Variants in GLIS1 observed in about 807,000 individuals in gnomAD.
GLIS1 encodes the protein zinc finger protein GLIS1.
Under a neutral mutation model 63.8 loss-of-function variants are expected in GLIS1, and 24 were observed. The observed-to-expected ratio is 0.38, with a 90% CI of 0.27 to 0.53. The LOEUF is 0.53. Ranked by LOEUF, GLIS1 falls within the 20% of genes least tolerant of loss-of-function variation. GLIS1 has a pLI of 0.85. For synonymous variants in GLIS1, 450 were observed against 482.5 expected, an observed-to-expected ratio of 0.93 and a Z score of 0.88; for missense variants, 1,036 against 1,074.1, an observed-to-expected ratio of 0.96 and a Z score of 0.50.
At chr1:53,663,905 C>T (rs948679138) in intron 2 of GLIS1, among the ~76,000 whole-genome samples, 1 of 152,062 alleles carries the variant, frequency 6.6e-6, no homozygotes, top group African/African-American at 2.4e-5. Flanking sequence ...TCTGATGTGG[C>T]TCCAGGCGCC....
chr1:53,610,643 C>T (rs1043078435), intron 2 of GLIS1, among the ~76,000 whole-genome samples: 68 of 152,118 alleles, frequency 4.5e-4, no homozygotes, highest in African/African-American at 1.6e-3. Context: ...TATGGTGTGC[C>T]TAGGTGTGCT....
intron 4 of GLIS1, among the ~76,000 whole-genome samples, chr1:53,557,977 G>A (rs1057261052): frequency 6.6e-6 from 1 of 152,194 alleles, no homozygotes; most frequent in African/African-American, 2.4e-5. Context: ...AACATCATTA[G>A]GGGAGCCCCA....
rs1434277538 is a variant in GLIS1 at position 53,645,970 on chromosome 1, A to AG, written c.260-45693dup. The stretch of plus-strand genomic sequence containing the variant: ...GTCCTGAGGAATGCAGCAGTGAACA[A>AG]GGGGGGCAGGGGCCATATTCATTCA... On this transcript the variant is annotated intron_variant, in intron 2 of 10. Coordinates refer to ENST00000628545, the MANE Select transcript of GLIS1 (RefSeq NM_001367484.1). Among the ~76,000 whole-genome samples, 43 of 152,310 alleles carry AG rather than the reference A, an allele frequency of 2.8e-4. No homozygotes were observed. In the East Asian group the frequency reaches 8.3e-3, roughly 29 times the overall value.
intron 7 of GLIS1, 120 bp downstream of exon 7, chr1:53,520,514 A>G (rs1644396385): frequency 8.7e-7 from 1 of 1,155,402 alleles, no homozygotes; most frequent in Non-Finnish European, 1.2e-6. Flanking sequence ...CAGATGAGTG[A>G]GTGCCTGCAA....
In GLIS1 at chr1:53,506,291, C is replaced by T. The variant is rs1644230296; in HGVS notation, c.*328G>A. 1 of 311,430 alleles carries T rather than the reference C, an allele frequency of 3.2e-6. No individual in the cohort carries two copies. The highest frequency in any genetic ancestry group is 5.9e-6 in the Non-Finnish European group (1 of 168,430). 19.3% of individuals were successfully genotyped at this position (311,430 alleles called of 1,614,324 possible). On this transcript the variant is annotated 3_prime_UTR_variant, in exon 11 of 11. Transcript: ENST00000628545. ...TGTAAAACCAAAAATATAAAACTGG[C>T]AGGGGAACGGAAAACAAGTTCTGCA...
At chr1:53,700,535 T>G (rs1256727146) in intron 2 of GLIS1, among the ~76,000 whole-genome samples, 2 of 152,138 alleles carry the variant, frequency 1.3e-5, no homozygotes, top group African/African-American at 4.8e-5. Context: ...TGTAAATGCA[T>G]GGAGCATGCG....
chr1:53,519,771 G>A (rs1175312504), intron 7 of GLIS1, among the ~76,000 whole-genome samples: 1 of 152,236 alleles, frequency 6.6e-6, no homozygotes, highest in Non-Finnish European at 1.5e-5. Flanking sequence ...CTGGGCCACA[G>A]AGTTTAGCGA....
chr1:53,604,951 TATATACACAC>T (rs1645355514), intron 2 of GLIS1, among the ~76,000 whole-genome samples: 1 of 53,856 alleles, frequency 1.9e-5, no homozygotes, highest in East Asian at 3.5e-4. Context: ...TACATATATA[TATATACACAC>T]ACACACACAC....
chr1:53,543,081 C>T lies in GLIS1; in HGVS notation c.1321-13129G>A, dbSNP rs185852389. ...AAGATGGGCAGTGATCTGTGAACTG[C>T]CAGAGATTTGCTACCCAGCATGTGG... On this transcript the variant is annotated intron_variant, in intron 4 of 10. Coordinates refer to ENST00000628545, the MANE Select transcript of GLIS1 (RefSeq NM_001367484.1). Among the ~76,000 whole-genome samples, 67 of 152,316 alleles carry T rather than the reference C, an allele frequency of 4.4e-4. No individual in the cohort carries two copies. In the East Asian group the frequency reaches 0.013, roughly 29 times the overall value.
chr1:53,580,883 T>C (rs941129), intron 4 of GLIS1, among the ~76,000 whole-genome samples: 23,449 of 152,196 alleles, frequency 0.15, 2,268 homozygotes, highest in Non-Finnish European at 0.22. Context: ...GCCCCACCTC[T>C]GTGCCCATGG....
chr1:53,553,148 T>A (rs181922071), intron 4 of GLIS1, among the ~76,000 whole-genome samples: 2 of 152,094 alleles, frequency 1.3e-5, no homozygotes. Flanking sequence ...CCCATCCCCA[T>A]CAGCCTTGGC....
intron 2 of GLIS1, among the ~76,000 whole-genome samples, chr1:53,643,915 G>A (rs984555206): frequency 1.3e-5 from 2 of 152,302 alleles, no homozygotes; most frequent in Non-Finnish European, 2.9e-5. Context: ...GATGAGGCTC[G>A]GAGCCAGGGG....
At chr1:53,697,640 T>C (rs1646479529) in intron 2 of GLIS1, among the ~76,000 whole-genome samples, 1 of 152,204 alleles carries the variant, frequency 6.6e-6, no homozygotes, top group African/African-American at 2.4e-5. Flanking sequence ...ACAGCTCTTC[T>C]GGAAGGACCT....
At chr1:53,508,207 G>A (rs1009540350) in intron 10 of GLIS1, among the ~76,000 whole-genome samples, 6 of 152,208 alleles carry the variant, frequency 3.9e-5, no homozygotes, top group East Asian at 1.9e-4. Context: ...TGACACTCAC[G>A]GGGCGCATGC....
chr1:53,595,096 C>T, intron 3 of GLIS1, 106 bp from the exon 4 acceptor site: 2 of 1,034,204 alleles, frequency 1.9e-6, no homozygotes, highest in Non-Finnish European at 2.6e-6. Flanking sequence ...TGGACAAGCC[C>T]AGGGCAGGAG....
chr1:53,604,910 ATATGTGTGTG>A (rs1228092001), intron 2 of GLIS1, among the ~76,000 whole-genome samples: 357 of 30,982 alleles, frequency 0.012, 1 homozygote, highest in Non-Finnish European at 0.063. Context: ...AAATATATAT[ATATGTGTGTG>A]TGTGTGTGTG....
At chr1:53,607,345 A>G (rs1645381456) in intron 2 of GLIS1, among the ~76,000 whole-genome samples, 1 of 152,110 alleles carries the variant, frequency 6.6e-6, no homozygotes, top group Admixed American at 6.6e-5. Context: ...ATCATAGTTC[A>G]CTGCTGTCTT....
At chr1:53,553,918 G>A (rs1218798491) in intron 4 of GLIS1, among the ~76,000 whole-genome samples, 2 of 152,178 alleles carry the variant, frequency 1.3e-5, no homozygotes, top group East Asian at 1.9e-4. Context: ...CAGACAGTGT[G>A]CCTTGCTGAC....
chr1:53,648,264 A>G (rs1235973138), intron 2 of GLIS1, among the ~76,000 whole-genome samples: 1 of 152,362 alleles, frequency 6.6e-6, no homozygotes, highest in South Asian at 2.1e-4. Flanking sequence ...AATGATGCTC[A>G]ACATCATTAA....
Sources: allele counts gnomAD v4.1 joint callset (sites outside exome capture counted in the v4.1 genomes callset), GRCh38; gene constraint gnomAD v4.1.1; transcripts MANE v1.5; gene names NCBI Gene and HGNC (gene_info 2026-07-23, HGNC 2026-07-21).